The following TTI1 variants were observed in gnomAD, a reference collection of about 807,000 sequenced individuals.
The protein encoded by TTI1 is TELO2 interacting protein 1, also known as TELO2-interacting protein 1 homolog.
TTI1 carries 52 observed loss-of-function variants against 85.4 expected under a neutral mutation model. The ratio of observed to expected loss-of-function variants is 0.61; its 90% CI spans 0.49 to 0.77. TTI1 has a LOEUF of 0.77. TTI1 is among the 30% of genes least tolerant of loss of function. The pLI is 0.00. For synonymous variants in TTI1, 512 were observed against 503.9 expected, an observed-to-expected ratio of 1.02 and a Z score of -0.22; for missense variants, 1,173 against 1,296.0, an observed-to-expected ratio of 0.91 and a Z score of 1.46.
chr20:37,990,793 A>G (rs2073253138), intron 7 of TTI1, among the ~76,000 whole-genome samples: 1 of 152,144 alleles, frequency 6.6e-6, no homozygotes, highest in East Asian at 1.9e-4. Flanking sequence ...CATCGAGAAC[A>G]TTCTGCTCCC....
chr20:38,028,367 T>C (rs2073862001), intron 1 of TTI1, among the ~76,000 whole-genome samples: 2 of 152,078 alleles, frequency 1.3e-5, no homozygotes, highest in Non-Finnish European at 2.9e-5. Context: ...CAAAGGAAAG[T>C]AGAAGTAGCT....
At chr20:38,007,941 C>T (rs1037207667) in intron 2 of TTI1, among the ~76,000 whole-genome samples, 1 of 152,226 alleles carries the variant, frequency 6.6e-6, no homozygotes, top group Non-Finnish European at 1.5e-5. Context: ...ATTTACACTG[C>T]TAAGACTAGA....
Position 38,012,874 on chromosome 20 carries a change from C to T in TTI1, c.943G>A (p.Glu315Lys), listed in dbSNP as rs2073621174. The change falls in exon 2 of 8, where the codon GAG (glutamate) becomes AAG (lysine). Residue 315 changes from glutamate to lysine, a missense_variant. Glu to Lys is a moderately conservative substitution (Grantham distance 56, BLOSUM62 1). Transcript: ENST00000373447. ...TGACTGCACTTCAAAAGAAGGTCCT[C>T]CACAAGTTCTACCAGTTCCAGTCTC... ...KVRLELVELV[E>K]DLLLKCSQSL... The T allele has an allele frequency of 6.2e-7, 1 of 1,614,082 alleles. No homozygotes were observed. Among genetic ancestry groups the T allele is most frequent in the African/African-American group, 1.3e-5 (1 of 74,924 alleles).
intron 7 of TTI1, among the ~76,000 whole-genome samples, chr20:37,993,834 G>A (rs1034113860): frequency 1.3e-5 from 2 of 152,232 alleles, no homozygotes; most frequent in Non-Finnish European, 2.9e-5. Flanking sequence ...CTTCTCCCAT[G>A]AGGGTAAGTG....
rs1396026533 is a variant in TTI1 at position 37,997,984 on chromosome 20, C to T, written c.2794-1031G>A. Among the ~76,000 whole-genome samples, 4 of 152,124 alleles carry T rather than the reference C, an allele frequency of 2.6e-5. No homozygotes were observed. In the South Asian group the frequency reaches 8.3e-4, roughly 32 times the overall value. ...TCTGTCGCACAGGCTGGATGGAGTG[C>T]AGTGGCACGATCTTGGCTCACTGCA... On this transcript the variant is annotated intron_variant, in intron 5 of 7. Coordinates refer to ENST00000373447, the MANE Select transcript of TTI1 (RefSeq NM_001303457.2).
intron 1 of TTI1, among the ~76,000 whole-genome samples, chr20:38,016,401 G>A (rs1467409836): frequency 1.3e-5 from 2 of 152,242 alleles, no homozygotes; most frequent in East Asian, 3.8e-4. Flanking sequence ...TTCACTGTAG[G>A]AGTTTCAAGA....
intron 7 of TTI1, among the ~76,000 whole-genome samples, chr20:37,990,474 G>A (rs2073247820): frequency 6.6e-6 from 1 of 152,154 alleles, no homozygotes; most frequent in African/African-American, 2.4e-5. Flanking sequence ...TCTTGTTATT[G>A]AACAACAATG....
intron 1 of TTI1, among the ~76,000 whole-genome samples, chr20:38,031,231 G>A (rs2073901960): frequency 6.6e-6 from 1 of 152,184 alleles, no homozygotes; most frequent in South Asian, 2.1e-4. Flanking sequence ...CTGCCCAGTG[G>A]ACTTCATTTC....
At position 38,011,944 on chromosome 20, in the gene TTI1, A is replaced by C. The variant is rs2073598867; in HGVS notation, c.1873T>G (p.Trp625Gly). The change falls in exon 2 of 8, where the codon TGG becomes GGG. Residue 625 changes from tryptophan (W) to glycine (G), a missense_variant. Physicochemically the swap from Trp to Gly is radical, Grantham distance 184. Coordinates refer to ENST00000373447, the MANE Select transcript of TTI1 (RefSeq NM_001303457.2). ...CCTTCCAACTGAATGCATATTTGCC[A>C]GATGTTACTGTTCATGGAGCAAATA... Reference protein sequence around the residue: ...PTICSMNSNIWQICIQLEGIG... With the variant: ...PTICSMNSNIGQICIQLEGIG... 3.1e-6 allele frequency: 5 copies of C among 1,614,130 alleles called. No homozygotes were observed. Among genetic ancestry groups the C allele is most frequent in the African/African-American group, 1.3e-5 (1 of 74,942 alleles).
At position 38,020,323 on chromosome 20, in the gene TTI1, A is replaced by AAAAATATATAT; in HGVS notation, c.-41-6467_-41-6466insATATATATTTT. 6.3e-3 allele frequency among the ~76,000 whole-genome samples: 316 copies of AAAAATATATAT among 50,344 alleles called. 5 individuals are homozygous for AAAAATATATAT. Among genetic ancestry groups the AAAAATATATAT allele is most frequent in the Non-Finnish European group, 8.7e-3 (241 of 27,744 alleles). The allele number at this position is 50,344 out of a possible 152,430, so 33.0% of individuals were successfully genotyped here. A position where few individuals can be genotyped will look rare whatever the true frequency, so the allele number is the denominator to read the frequency against. On this transcript the variant is annotated intron_variant, in intron 1 of 7. Coordinates refer to ENST00000373447, the MANE Select transcript of TTI1 (RefSeq NM_001303457.2). ...GGCTACTCATATGAAAAAAAAAAAA[A>AAAAATATATAT]ATATATATATATATATATATATATA... is the stretch of plus-strand genomic sequence containing the variant.
At chr20:38,032,454 C>A (rs2073924921) in intron 1 of TTI1, among the ~76,000 whole-genome samples, 2 of 152,310 alleles carry the variant, frequency 1.3e-5, no homozygotes, top group Middle Eastern at 3.4e-3. Flanking sequence ...TTTTAAAACC[C>A]TCTTATGTCT....
chr20:38,030,908 C>G (rs536312654), intron 1 of TTI1, among the ~76,000 whole-genome samples: 78 of 152,334 alleles, frequency 5.1e-4, no homozygotes, highest in African/African-American at 1.9e-3. Flanking sequence ...CAAACCCACT[C>G]TTTTCTGTAA....
chr20:38,012,613 A>C lies in TTI1; in HGVS notation c.1204T>G (p.Ser402Ala), dbSNP rs1011246087. Residue 402 changes from serine (S) to alanine (A), a missense_variant, in exon 2 of 8, where the codon TCC becomes GCC. Ser to Ala is a moderately conservative substitution (Grantham distance 99). Transcript: ENST00000373447. ...QDDQGKFSTL[S>A]LLLGYLKLLG... The stretch of plus-strand genomic sequence containing the variant: ...AGTTTCAGATAACCAAGTAACAAGG[A>C]AAGAGTAGAGAATTTGCCCTGGTCA... 1.2e-6 allele frequency: 2 copies of C among 1,614,228 alleles called. No individual in the cohort carries two copies. Among genetic ancestry groups the C allele is most frequent in the East Asian group, 2.2e-5 (1 of 44,882 alleles).
intron 1 of TTI1, among the ~76,000 whole-genome samples, chr20:38,020,309 TGAAAAAAA>T (rs1185063897): frequency 4.1e-4 from 19 of 46,716 alleles, no homozygotes; most frequent in African/African-American, 1.3e-3. Flanking sequence ...GCTACTCATA[TGAAAAAAA>T]AAAAAAATAT....
chr20:37,987,181 A>C (rs2073202474), intron 7 of TTI1: 1 of 456,642 alleles, frequency 2.2e-6, no homozygotes, highest in Non-Finnish European at 4.4e-6. Context: ...CCTTAGCGCC[A>C]GGCTTTGTTC....
At chr20:38,005,330 G>A (rs558194227) in intron 3 of TTI1, among the ~76,000 whole-genome samples, 5 of 152,050 alleles carry the variant, frequency 3.3e-5, no homozygotes, top group South Asian at 2.1e-4. Context: ...TAATCCTTCC[G>A]TGACCTGAAG....
chr20:38,012,637 C>G lies in TTI1; in HGVS notation c.1180G>C (p.Asp394His). ...SLPRLMNSQD[D>H]QGKFSTLSLL... ...GAAAGAGTAGAGAATTTGCCCTGGT[C>G]ATCTTGGGAGTTCATTAGGCGAGGA... Residue 394 changes from aspartate (D) to histidine (H), a missense_variant, in exon 2 of 8, where the codon GAC becomes CAC. Coordinates refer to ENST00000373447, the MANE Select transcript of TTI1 (RefSeq NM_001303457.2). 1 of 1,614,144 alleles carries G rather than the reference C, an allele frequency of 6.2e-7. No individual in the cohort carries two copies. The highest frequency in any genetic ancestry group is 8.5e-7 in the Non-Finnish European group (1 of 1,180,038).
rs1461614724 is a variant in TTI1, at chr20:38,012,168, G to A, written c.1649C>T (p.Pro550Leu). Residue 550 changes from proline (P) to leucine (L), a missense_variant, in exon 2 of 8, where the codon CCA (proline) becomes CTA (leucine). Pro to Leu is a moderately conservative substitution (Grantham distance 98, BLOSUM62 -3). Transcript: ENST00000373447. The part of the protein sequence containing the change: ...DLHEKHIKTN[P>L]EELREIVTSI... ...TGTCACAATCTCTCTCAGTTCTTCTGGGTTTGTTTTAATATGTTTTTCGTG... is the reference window on the plus strand; with the variant it reads ...TGTCACAATCTCTCTCAGTTCTTCTAGGTTTGTTTTAATATGTTTTTCGTG... 6.2e-7 allele frequency: 1 copy of A among 1,613,990 alleles called. No individual in the cohort carries two copies. Among genetic ancestry groups the A allele is most frequent in the African/African-American group, 1.3e-5 (1 of 74,894 alleles).
At chr20:38,023,011 T>C (rs2073789666) in intron 1 of TTI1, among the ~76,000 whole-genome samples, 1 of 152,230 alleles carries the variant, frequency 6.6e-6, no homozygotes, top group South Asian at 2.1e-4. Context: ...AAAGAACGAC[T>C]GGGTTTAGAG....
Sources: allele counts gnomAD v4.1 joint callset (sites outside exome capture counted in the v4.1 genomes callset), GRCh38; gene constraint gnomAD v4.1.1; transcripts MANE v1.5; gene names NCBI Gene and HGNC (gene_info 2026-07-23, HGNC 2026-07-21).